BTRC: variants seen among roughly 807,000 people sequenced by gnomAD.
BTRC encodes the protein F-box/WD repeat-containing protein 1A.
A neutral mutation model predicts 85.5 loss-of-function variants in BTRC; 42 were observed. The observed-to-expected ratio is 0.49, with a 90% CI of 0.38 to 0.64. The LOEUF (loss-of-function observed/expected upper bound fraction) is 0.64, where lower values mean the gene tolerates loss of function less well. BTRC is among the 30% of genes least tolerant of loss of function. BTRC has a pLI of 0.00. For synonymous variants in BTRC, 255 were observed against 263.3 expected (o/e 0.97, Z 0.30); for missense variants, 594 against 743.5 (o/e 0.80, Z 2.34).
chr10:101,411,886 T>G (rs1047176210), intron 1 of BTRC, among the ~76,000 whole-genome samples: 2 of 152,252 alleles, frequency 1.3e-5, no homozygotes, highest in African/African-American at 4.8e-5. Context: ...TTTGGTGCTC[T>G]TAAGTTTTTT....
At chr10:101,525,405 T>A (rs1401013179) in intron 5 of BTRC, among the ~76,000 whole-genome samples, 1 of 152,228 alleles carries the variant, frequency 6.6e-6, no homozygotes, top group Non-Finnish European at 1.5e-5. Context: ...AAATCTGAAA[T>A]TAAACCCATT....
At chr10:101,404,000 G>A (rs1314102952) in intron 1 of BTRC, among the ~76,000 whole-genome samples, 1 of 51,140 alleles carries the variant, frequency 2.0e-5, no homozygotes, top group South Asian at 6.5e-4. Flanking sequence ...ATGTGTGTGT[G>A]TGTATATATA....
Position 101,526,116 on chromosome 10 carries a change from T to C in BTRC, c.660T>C (p.Ser220=). The change falls in exon 6 of 15, where the codon TCT becomes TCC. Residue 220 remains serine, a synonymous_variant. Coordinates refer to ENST00000370187, the MANE Select transcript of BTRC (RefSeq NM_033637.4). ...GCAAGGAATGGTACCGAGTGACCTC[T>C]GATGGCATGCTGTGGAAGAAGCTTA... The part of the protein sequence containing the change: ...LVCKEWYRVT[S]DGMLWKKLIE... The C allele has an allele frequency of 6.2e-7, 1 of 1,614,216 alleles. No individual in the cohort carries two copies. The highest frequency in any genetic ancestry group is 1.7e-5 in the Admixed American group (1 of 60,028).
intron 3 of BTRC, among the ~76,000 whole-genome samples, chr10:101,472,813 T>TGACATTA (rs2134203110): frequency 6.6e-6 from 1 of 152,314 alleles, no homozygotes. Context: ...ATGAAAAGCC[T>TGACATTA]GACATTATTT....
intron 1 of BTRC, among the ~76,000 whole-genome samples, chr10:101,363,280 G>A (rs1453443250): frequency 6.6e-6 from 1 of 152,144 alleles, no homozygotes. Context: ...AATCCAGGCA[G>A]TCTGACTTGA....
chr10:101,532,750 ATGTGTG>A (rs71643587), intron 8 of BTRC, among the ~76,000 whole-genome samples, 196 bp from the exon 9 acceptor site: 83 of 102,230 alleles, frequency 8.1e-4, no homozygotes, highest in African/African-American at 1.4e-3. Flanking sequence ...CTGAAGCTAT[ATGTGTG>A]TGTGTGTGTG....
intron 1 of BTRC, among the ~76,000 whole-genome samples, chr10:101,417,921 G>A (rs761599586): frequency 2.0e-5 from 3 of 152,086 alleles, no homozygotes; most frequent in Non-Finnish European, 4.4e-5. Flanking sequence ...CAGGCAATCT[G>A]CTGGGTTACA....
chr10:101,368,663 C>G (rs1942545590), intron 1 of BTRC, among the ~76,000 whole-genome samples: 1 of 151,810 alleles, frequency 6.6e-6, no homozygotes, highest in Non-Finnish European at 1.5e-5. Flanking sequence ...TCATTTTATA[C>G]TTTCTTTAGC....
At chr10:101,532,773 TGTGTGTGTGTGTGTGTGCGC>T (rs1378712252) in intron 8 of BTRC, among the ~76,000 whole-genome samples, 159 bp from the exon 9 acceptor site, 2 of 72,418 alleles carry the variant, frequency 2.8e-5, no homozygotes, top group Non-Finnish European at 4.7e-5. Context: ...TGTGTGTGTG[TGTGTGTGTGTGTGTGTGCGC>T]GTGTGCGCGC....
At chr10:101,368,059 G>T (rs1417070482) in intron 1 of BTRC, among the ~76,000 whole-genome samples, 1 of 152,212 alleles carries the variant, frequency 6.6e-6, no homozygotes, top group Non-Finnish European at 1.5e-5. Flanking sequence ...GTTGAAATTT[G>T]ATCTCCAGTG....
At chr10:101,374,723 G>A (rs1942741221) in intron 1 of BTRC, among the ~76,000 whole-genome samples, 1 of 150,540 alleles carries the variant, frequency 6.6e-6, no homozygotes. Flanking sequence ...CATGGCACAT[G>A]TATACATATG....
At chr10:101,366,830 T>TATA (rs1554862098) in intron 1 of BTRC, among the ~76,000 whole-genome samples, 19 of 45,074 alleles carry the variant, frequency 4.2e-4, no homozygotes, top group East Asian at 2.4e-3. Flanking sequence ...TAATATATAT[T>TATA]TATATATATT....
chr10:101,517,178 C>T (rs1292045170), intron 4 of BTRC, among the ~76,000 whole-genome samples: 2 of 152,326 alleles, frequency 1.3e-5, no homozygotes, highest in East Asian at 3.9e-4. Context: ...GCAACAGTGG[C>T]ATTTATGCTA....
At chr10:101,405,455 A>G (rs939605434) in intron 1 of BTRC, among the ~76,000 whole-genome samples, 14 of 152,178 alleles carry the variant, frequency 9.2e-5, no homozygotes, top group African/African-American at 3.4e-4. Flanking sequence ...TCTGAGTGTT[A>G]CGATACTCCT....
intron 2 of BTRC, among the ~76,000 whole-genome samples, chr10:101,454,199 C>G (rs927043836): frequency 2.6e-5 from 4 of 152,168 alleles, no homozygotes; most frequent in African/African-American, 9.7e-5. Context: ...TATCTGTATA[C>G]TTACGTAATG....
At chr10:101,516,132 T>C (rs2062020747) in intron 4 of BTRC, among the ~76,000 whole-genome samples, 1 of 152,196 alleles carries the variant, frequency 6.6e-6, no homozygotes. Flanking sequence ...GAATGTACTT[T>C]CAAAAAGAGA....
At chr10:101,433,177 CTT>C (rs1944444752) in intron 2 of BTRC, among the ~76,000 whole-genome samples, 1 of 152,096 alleles carries the variant, frequency 6.6e-6, no homozygotes, top group African/African-American at 2.4e-5. Context: ...TCATGGATCT[CTT>C]TGGGAATCTG....
At chr10:101,401,855 GAA>G in intron 1 of BTRC, among the ~76,000 whole-genome samples, 1 of 145,220 alleles carries the variant, frequency 6.9e-6, no homozygotes, top group South Asian at 2.2e-4. Context: ...AAAAAAAAAA[GAA>G]AAAGAAAAAC....
chr10:101,468,253 G>C (rs1945432829), intron 3 of BTRC, among the ~76,000 whole-genome samples: 1 of 152,086 alleles, frequency 6.6e-6, no homozygotes, highest in Non-Finnish European at 1.5e-5. Context: ...GGGTTGCAAT[G>C]ACCATAAAGA....
Sources: allele counts gnomAD v4.1 joint callset (sites outside exome capture counted in the v4.1 genomes callset), GRCh38; gene constraint gnomAD v4.1.1; transcripts MANE v1.5; gene names NCBI Gene and HGNC (gene_info 2026-07-23, HGNC 2026-07-21).